CHST11: variants seen among roughly 807,000 people sequenced by gnomAD.
The protein encoded by CHST11 is C4S-1.
Under a neutral mutation model 30.4 loss-of-function variants are expected in CHST11, and 9 were observed. That is an observed-to-expected ratio of 0.30 (90% confidence interval 0.18 to 0.52). CHST11 has a LOEUF of 0.52. Ranked by LOEUF, CHST11 falls within the 20% of genes least tolerant of loss-of-function variation. The pLI, the probability that CHST11 is intolerant of heterozygous loss-of-function variation, is 0.97. For synonymous variants in CHST11, 152 were observed against 187.8 expected (o/e 0.81, Z 1.56); for missense variants, 348 against 460.6 (o/e 0.76, Z 2.24).
chr12:104,648,537 T>C (rs1467049357), intron 2 of CHST11, among the ~76,000 whole-genome samples: 1 of 152,064 alleles, frequency 6.6e-6, no homozygotes, highest in Non-Finnish European at 1.5e-5. Flanking sequence ...GGGCTGGGCA[T>C]GGTGGCTCAT....
chr12:104,463,885 C>T (rs1360251465), intron 1 of CHST11, among the ~76,000 whole-genome samples: 1 of 152,048 alleles, frequency 6.6e-6, no homozygotes, highest in African/African-American at 2.4e-5. Context: ...GGGACGGAGG[C>T]AGCCAACAAC....
intron 2 of CHST11, among the ~76,000 whole-genome samples, chr12:104,728,337 CAG>C (rs915820094): frequency 6.6e-6 from 1 of 152,000 alleles, no homozygotes; most frequent in African/African-American, 2.4e-5. Flanking sequence ...AGAAAGGAAA[CAG>C]AAATTTGGAT....
chr12:104,757,727 C>G lies in CHST11; in HGVS notation c.983C>G (p.Thr328Arg). ...CAGAACATCAGCTCAGAGCACCAAA[C>G]GCAGCTGTACGAAGTCTACAAACTC... is the stretch of plus-strand genomic sequence containing the variant. ...FFQNISSEHQTQLYEVYKLDF... is the reference protein window; with the variant it reads ...FFQNISSEHQRQLYEVYKLDF... Residue 328 changes from threonine to arginine, a missense_variant, in exon 3 of 3, where the codon ACG becomes AGG. Thr to Arg is a moderately conservative substitution (Grantham distance 71). Around this residue, in one of 3 missense-constraint regions of CHST11, gnomAD observed 210 missense variants for 287.2 expected, o/e 0.73. Transcript: ENST00000303694. This position sits in a 1 kb window ranked among gnomAD's most constrained non-coding sequence, Gnocchi z 6.5. 6.2e-7 allele frequency: 1 copy of G among 1,614,138 alleles called. No individual in the cohort carries two copies. The highest frequency in any genetic ancestry group is 8.5e-7 in the Non-Finnish European group (1 of 1,180,036).
rs2040493445 is a variant in CHST11 at position 104,757,911 on chromosome 12, A to T, written c.*108A>T. ...TTTGTAAATTAATATTTCTTTGGGGATGATGCTGCGAGCAGCATAGTGAGA... is the reference window on the plus strand; with the variant it reads ...TTTGTAAATTAATATTTCTTTGGGGTTGATGCTGCGAGCAGCATAGTGAGA... On this transcript the variant is annotated 3_prime_UTR_variant, in exon 3 of 3. Transcript: ENST00000303694. This position sits in a 1 kb window ranked among gnomAD's most constrained non-coding sequence, Gnocchi z 6.5. 4.2e-6 allele frequency: 5 copies of T among 1,186,398 alleles called. No individual in the cohort carries two copies. The Admixed American group carries it at 9.7e-5, about 23-fold the overall frequency. The allele number at this position is 1,186,398 out of a possible 1,614,324, so 73.5% of individuals were successfully genotyped here. A position where few individuals can be genotyped will look rare whatever the true frequency, so the allele number is the denominator to read the frequency against.
At chr12:104,726,040 G>A (rs2040214053) in intron 2 of CHST11, among the ~76,000 whole-genome samples, 3 of 152,170 alleles carry the variant, frequency 2.0e-5, no homozygotes, top group South Asian at 4.1e-4. Flanking sequence ...AATGAAGCAG[G>A]ATTGGCAAGA....
chr12:104,489,225 T>A (rs7133525), intron 1 of CHST11, among the ~76,000 whole-genome samples: 11 of 151,312 alleles, frequency 7.3e-5, no homozygotes, highest in Non-Finnish European at 1.6e-4. Flanking sequence ...TTAGTAGAGA[T>A]GGGGTTTCAC....
intron 1 of CHST11, among the ~76,000 whole-genome samples, chr12:104,528,203 C>T (rs1035328052): frequency 5.3e-5 from 8 of 152,198 alleles, no homozygotes; most frequent in Admixed American, 2.6e-4. Flanking sequence ...ACGTTCTATA[C>T]ACCAAACAAG....
chr12:104,515,891 C>T (rs1250074124), intron 1 of CHST11, among the ~76,000 whole-genome samples: 3 of 152,120 alleles, frequency 2.0e-5, no homozygotes, highest in Non-Finnish European at 4.4e-5. Flanking sequence ...TGGAGATGGT[C>T]AAAGGAGAGC....
chr12:104,642,654 C>G (rs374023802), intron 2 of CHST11, among the ~76,000 whole-genome samples: 1 of 152,004 alleles, frequency 6.6e-6, no homozygotes, highest in East Asian at 1.9e-4. Context: ...CCTGCCTCAG[C>G]GTTCACAAGT....
intron 2 of CHST11, among the ~76,000 whole-genome samples, chr12:104,684,263 G>A (rs912773223): frequency 3.0e-4 from 13 of 43,180 alleles, no homozygotes; most frequent in African/African-American, 5.9e-4. Flanking sequence ...AATGTGGATG[G>A]ATGGATGGAT....
At chr12:104,736,621 G>T (rs1381051363) in intron 2 of CHST11, among the ~76,000 whole-genome samples, 3 of 152,200 alleles carry the variant, frequency 2.0e-5, no homozygotes, top group Non-Finnish European at 4.4e-5. Context: ...TGTTGGGCTG[G>T]GACCCACTGC....
At chr12:104,752,506 T>G (rs1465671661) in intron 2 of CHST11, among the ~76,000 whole-genome samples, 2 of 14,714 alleles carry the variant, frequency 1.4e-4, no homozygotes, top group African/African-American at 1.2e-3. Flanking sequence ...ATTTATTTAC[T>G]TATTTATTTA....
At chr12:104,697,969 C>T (rs2039961365) in intron 2 of CHST11, among the ~76,000 whole-genome samples, 1 of 152,220 alleles carries the variant, frequency 6.6e-6, no homozygotes, top group Non-Finnish European at 1.5e-5. Flanking sequence ...TGGGCCTCTT[C>T]TCCCATCTGC....
intron 1 of CHST11, among the ~76,000 whole-genome samples, chr12:104,485,762 C>T (rs1056301902): frequency 3.3e-5 from 5 of 149,956 alleles, no homozygotes; most frequent in African/African-American, 1.0e-4. Context: ...CTGTAATCAG[C>T]GGGACTTATC....
intron 1 of CHST11, among the ~76,000 whole-genome samples, chr12:104,524,408 T>C (rs2038104015): frequency 6.6e-6 from 1 of 152,174 alleles, no homozygotes; most frequent in Non-Finnish European, 1.5e-5. Flanking sequence ...TTTGTCCTAA[T>C]CCAGGATGGA....
chr12:104,612,105 T>G (rs1343672364), intron 2 of CHST11, among the ~76,000 whole-genome samples: 1 of 152,132 alleles, frequency 6.6e-6, no homozygotes, highest in Non-Finnish European at 1.5e-5. Flanking sequence ...CTGCGTGAAA[T>G]GGAACTGGAA....
intron 1 of CHST11, among the ~76,000 whole-genome samples, chr12:104,529,274 T>G (rs1005551426): frequency 3.3e-5 from 5 of 152,212 alleles, no homozygotes; most frequent in Admixed American, 6.5e-5. Flanking sequence ...TTAGGTCAAC[T>G]TGTTGTGTGA....
intron 1 of CHST11, among the ~76,000 whole-genome samples, chr12:104,555,993 A>G (rs2038450871): frequency 6.6e-6 from 1 of 152,112 alleles, no homozygotes; most frequent in Non-Finnish European, 1.5e-5. Flanking sequence ...GCTCTCCTGA[A>G]TCAGACCCTG....
chr12:104,478,794 A>C (rs994503808), intron 1 of CHST11, among the ~76,000 whole-genome samples: 5 of 152,180 alleles, frequency 3.3e-5, no homozygotes, highest in African/African-American at 1.2e-4. Flanking sequence ...GGCCATCAGC[A>C]GCAGTGGCAG....
Sources: allele counts gnomAD v4.1 joint callset (sites outside exome capture counted in the v4.1 genomes callset), GRCh38; gene constraint gnomAD v4.1.1; regional missense constraint gnomAD v4.1.1; non-coding constraint Gnocchi (gnomAD v3.1); transcripts MANE v1.5; gene names NCBI Gene and HGNC (gene_info 2026-07-23, HGNC 2026-07-21).